CSMD2: variants seen among roughly 807,000 people sequenced by gnomAD.
CSMD2 encodes the protein CUB and sushi domain-containing protein 2.
In CSMD2, 130 loss-of-function variants were observed where a neutral mutation model predicts 398.5. The ratio of observed to expected loss-of-function variants is 0.33; its 90% CI spans 0.28 to 0.38. The LOEUF is 0.38. CSMD2 is among the 10% of genes least tolerant of loss of function. The pLI is 1.00. For missense variants in CSMD2, 3,829 were observed against 4,764.9 expected, an observed-to-expected ratio of 0.80 and a Z score of 5.78; for synonymous variants, 1,828 against 1,908.5, an observed-to-expected ratio of 0.96 and a Z score of 1.10.
At chr1:33,794,297 T>A (rs183362963) in intron 10 of CSMD2, among the ~76,000 whole-genome samples, 27 of 152,278 alleles carry the variant, frequency 1.8e-4, no homozygotes, top group Non-Finnish European at 3.7e-4. Context: ...GATAATAGTA[T>A]CTGTGAGCAC....
At chr1:33,848,273 CAG>C (rs1192206616) in intron 5 of CSMD2, among the ~76,000 whole-genome samples, 2 of 152,198 alleles carry the variant, frequency 1.3e-5, no homozygotes, top group East Asian at 3.9e-4. Flanking sequence ...TATCTCCAAA[CAG>C]GGGGCTGCAT....
chr1:34,054,761 A>G (rs1653629991), intron 2 of CSMD2, among the ~76,000 whole-genome samples: 1 of 152,008 alleles, frequency 6.6e-6, no homozygotes, highest in Non-Finnish European at 1.5e-5. Context: ...GTGGTTTCCA[A>G]CCAGGCCACT....
intron 12 of CSMD2, among the ~76,000 whole-genome samples, chr1:33,776,587 T>C (rs1652005078): frequency 6.6e-6 from 1 of 152,118 alleles, no homozygotes; most frequent in Non-Finnish European, 1.5e-5. Context: ...GACTCATTTG[T>C]AGGGATACCA....
chr1:33,521,846 T>C (rs1168326692), intron 67 of CSMD2, among the ~76,000 whole-genome samples: 11 of 152,216 alleles, frequency 7.2e-5, no homozygotes. Flanking sequence ...TAACAGTACC[T>C]ATGTCATAGG....
chr1:33,806,911 GTCT>G (rs1289364015), intron 10 of CSMD2, among the ~76,000 whole-genome samples: 1 of 152,150 alleles, frequency 6.6e-6, no homozygotes, highest in Non-Finnish European at 1.5e-5. Flanking sequence ...TATCTTGTCA[GTCT>G]TCTAGAAGAA....
chr1:34,143,514 G>A (rs775450296), intron 1 of CSMD2, among the ~76,000 whole-genome samples: 20 of 152,080 alleles, frequency 1.3e-4, no homozygotes, highest in Non-Finnish European at 2.6e-4. Flanking sequence ...TAAATTATCT[G>A]TGTAATTATC....
chr1:33,521,520 T>G lies in CSMD2; in HGVS notation c.10540A>C (p.Ile3514Leu). The stretch of plus-strand genomic sequence containing the variant: ...TGGCCCTTGACAGAGCCTTGGTAGA[T>G]GAAGGTGGCTCCGGAGGACTCTGAC... Reference protein sequence around the residue: ...VSSESSGATFIYQGSVKGQGF... With the variant: ...VSSESSGATFLYQGSVKGQGF... Residue 3514 changes from isoleucine to leucine, a missense_variant, in exon 68 of 71, where the codon ATC becomes CTC. Ile to Leu is a conservative substitution (Grantham distance 5). This residue lies in a region of CSMD2 where 917 missense variants were observed against 1,199.5 expected (regional missense o/e 0.76). Transcript: ENST00000373381. 2 of 1,613,596 alleles carry G rather than the reference T, an allele frequency of 1.2e-6. No individual in the cohort carries two copies. Among genetic ancestry groups the G allele is most frequent in the Non-Finnish European group, 1.7e-6 (2 of 1,179,546 alleles).
chr1:33,677,690 A>C (rs2149051347), intron 25 of CSMD2, among the ~76,000 whole-genome samples: 1 of 152,182 alleles, frequency 6.6e-6, no homozygotes, highest in Non-Finnish European at 1.5e-5. Context: ...TCACAATAGC[A>C]AAGACTTGGA....
intron 1 of CSMD2, among the ~76,000 whole-genome samples, chr1:34,094,656 CAAAG>C (rs1303472601): frequency 3.3e-5 from 5 of 152,082 alleles, no homozygotes; most frequent in South Asian, 4.2e-4. Flanking sequence ...TCAAAAGAGA[CAAAG>C]AAGGCCATTA....
At chr1:34,145,295 G>A (rs1639666502) in intron 1 of CSMD2, among the ~76,000 whole-genome samples, 2 of 152,222 alleles carry the variant, frequency 1.3e-5, no homozygotes, top group Admixed American at 6.5e-5. Context: ...GGGGATAAAG[G>A]AAAGTCGAGG....
chr1:33,565,865 T>C (rs1431420883), intron 53 of CSMD2, among the ~76,000 whole-genome samples: 1 of 152,094 alleles, frequency 6.6e-6, no homozygotes, highest in Non-Finnish European at 1.5e-5. Flanking sequence ...ACTGATTGTA[T>C]GCTTTAAAGA....
At chr1:33,695,752 C>T (rs943087925) in intron 24 of CSMD2, among the ~76,000 whole-genome samples, 2 of 152,222 alleles carry the variant, frequency 1.3e-5, no homozygotes, top group Admixed American at 1.3e-4. Context: ...TTCAGTAGAG[C>T]CCACTGAGCC....
intron 1 of CSMD2, among the ~76,000 whole-genome samples, chr1:34,158,618 G>A (rs951180550): frequency 3.3e-5 from 5 of 152,172 alleles, no homozygotes; most frequent in African/African-American, 7.2e-5. Flanking sequence ...TGTATGAATT[G>A]TTTCTCTTAT....
chr1:33,786,271 G>C (rs950378779), intron 12 of CSMD2, among the ~76,000 whole-genome samples: 7 of 152,104 alleles, frequency 4.6e-5, no homozygotes, highest in Admixed American at 3.9e-4. Flanking sequence ...ACAGATTAAG[G>C]GCATGAGGAT....
intron 3 of CSMD2, among the ~76,000 whole-genome samples, chr1:33,986,330 C>T (rs939171611): frequency 6.6e-6 from 1 of 152,174 alleles, no homozygotes; most frequent in African/African-American, 2.4e-5. Flanking sequence ...GCAGGAAATC[C>T]TCCCTCCTTG....
At chr1:33,993,760 TG>T (rs1302469458) in intron 3 of CSMD2, among the ~76,000 whole-genome samples, 1 of 152,152 alleles carries the variant, frequency 6.6e-6, no homozygotes, top group African/African-American at 2.4e-5. Flanking sequence ...GTCCCCCTCC[TG>T]GCTGCCCCAC....
chr1:33,836,275 T>A (rs937818692), intron 6 of CSMD2, among the ~76,000 whole-genome samples: 2 of 152,300 alleles, frequency 1.3e-5, no homozygotes, highest in African/African-American at 4.8e-5. Context: ...CTGCCCCTAC[T>A]GGGGGGTGCC....
At chr1:33,911,347 C>A (rs1189903431) in intron 5 of CSMD2, among the ~76,000 whole-genome samples, 1 of 152,152 alleles carries the variant, frequency 6.6e-6, no homozygotes, top group African/African-American at 2.4e-5. Context: ...CTAACTATAT[C>A]TGGATCTAAT....
In CSMD2 at chr1:33,614,248, A is replaced by G. The variant is rs1448628048; in HGVS notation, c.6133+256T>C. On this transcript the variant is annotated intron_variant, in intron 40 of 70. Coordinates refer to ENST00000373381, the MANE Select transcript of CSMD2 (RefSeq NM_001281956.2). ...TAATCCGAGTAATTTCTCATTCCAC[A>G]TTCCTGGATTTTAGTTTATGGCTCA... Among the ~76,000 whole-genome samples the G allele has an allele frequency of 4.6e-5, 7 of 151,536 alleles. No homozygotes were observed. In the East Asian group the frequency reaches 1.4e-3, roughly 29 times the overall value.
Sources: gnomAD v4.1 joint callset for allele counts (sites outside exome capture counted in the v4.1 genomes callset) on GRCh38, gnomAD v4.1.1 for gene constraint, gnomAD v4.1.1 regional missense constraint, MANE v1.5 for transcripts, NCBI Gene and HGNC (gene_info 2026-07-23, HGNC 2026-07-21) for gene names.